Variants in EPHA6 observed in about 807,000 individuals in gnomAD.
EPHA6 encodes EPH receptor A6.
A neutral mutation model predicts 112.0 loss-of-function variants in EPHA6; 50 were observed. The ratio of observed to expected loss-of-function variants is 0.45; its 90% confidence interval spans 0.36 to 0.56. The LOEUF is 0.56. EPHA6 is among the 20% of genes least tolerant of loss of function. The pLI, the probability that EPHA6 is intolerant of heterozygous loss-of-function variation, is 0.00. For missense variants in EPHA6, 1,280 were observed against 1,417.4 expected (o/e 0.90, Z 1.56); for synonymous variants, 529 against 490.7 (o/e 1.08, Z -1.03).
intron 3 of EPHA6, among the ~76,000 whole-genome samples, chr3:97,084,530 A>G (rs2046833005): frequency 6.6e-6 from 1 of 152,038 alleles, no homozygotes; most frequent in Admixed American, 6.6e-5. Context: ...CTTTAACTTT[A>G]TCCAGACAGT....
At chr3:96,940,618 T>C (rs2040884291) in intron 2 of EPHA6, among the ~76,000 whole-genome samples, 4 of 152,346 alleles carry the variant, frequency 2.6e-5, no homozygotes, top group South Asian at 2.1e-4. Flanking sequence ...AATATTGTTA[T>C]GTGTGAATTT....
intron 2 of EPHA6, among the ~76,000 whole-genome samples, chr3:96,920,641 T>TTG (rs150752349): frequency 2.6e-5 from 4 of 151,646 alleles, no homozygotes; most frequent in Admixed American, 6.6e-5. Context: ...CCTGTAAGGA[T>TTG]TGTGTGTGTG....
At chr3:97,475,832 A>G (rs2091354767) in intron 8 of EPHA6, among the ~76,000 whole-genome samples, 1 of 152,176 alleles carries the variant, frequency 6.6e-6, no homozygotes, top group South Asian at 2.1e-4. Context: ...ATAGAAATAT[A>G]ATATTTTGTC....
At chr3:97,273,441 C>A (rs970943037) in intron 5 of EPHA6, among the ~76,000 whole-genome samples, 3 of 152,104 alleles carry the variant, frequency 2.0e-5, no homozygotes, top group Non-Finnish European at 2.9e-5. Context: ...TTTGGGGGCA[C>A]AGTCCAAGTT....
At chr3:97,275,240 T>G (rs1442529969) in intron 5 of EPHA6, among the ~76,000 whole-genome samples, 1 of 152,090 alleles carries the variant, frequency 6.6e-6, no homozygotes, top group East Asian at 1.9e-4. Flanking sequence ...TCAGACACGA[T>G]CAGCAGGGAG....
At chr3:97,495,936 C>G (rs1409698352) in intron 10 of EPHA6, among the ~76,000 whole-genome samples, 1 of 152,144 alleles carries the variant, frequency 6.6e-6, no homozygotes. Context: ...CTGTAAATAT[C>G]TTAAAGTGAA....
chr3:96,940,435 GT>G (rs2040870730), intron 2 of EPHA6, among the ~76,000 whole-genome samples: 1 of 151,674 alleles, frequency 6.6e-6, no homozygotes, highest in African/African-American at 2.4e-5. Flanking sequence ...GCCTTTTTTT[GT>G]TTTCCATTTG....
At chr3:97,013,438 A>T (rs975068375) in intron 3 of EPHA6, among the ~76,000 whole-genome samples, 1 of 152,100 alleles carries the variant, frequency 6.6e-6, no homozygotes, top group African/African-American at 2.4e-5. Context: ...TTCTGCTTTT[A>T]GCAATCCTAG....
intron 12 of EPHA6, among the ~76,000 whole-genome samples, chr3:97,610,289 G>A (rs1258038667): frequency 2.6e-5 from 4 of 151,444 alleles, no homozygotes; most frequent in East Asian, 1.9e-4. Flanking sequence ...GACTATGACC[G>A]ATGGTTTATA....
At chr3:97,391,538 A>G (rs1159611289) in intron 5 of EPHA6, among the ~76,000 whole-genome samples, 1 of 151,934 alleles carries the variant, frequency 6.6e-6, no homozygotes, top group Non-Finnish European at 1.5e-5. Flanking sequence ...TACAGTGTAT[A>G]TTAAGTTATT....
chr3:96,992,827 G>A (rs2043265774), intron 3 of EPHA6, among the ~76,000 whole-genome samples: 1 of 151,692 alleles, frequency 6.6e-6, no homozygotes, highest in Admixed American at 6.6e-5. Flanking sequence ...TTCTTTTTCT[G>A]TGATGAAATT....
chr3:97,158,748 T>C (rs1355242021), intron 3 of EPHA6, among the ~76,000 whole-genome samples: 2 of 152,150 alleles, frequency 1.3e-5, no homozygotes, highest in Non-Finnish European at 2.9e-5. Context: ...GCATTTTACA[T>C]AAGATAACAC....
At chr3:96,891,565 T>G (rs1337702976) in intron 2 of EPHA6, among the ~76,000 whole-genome samples, 2 of 151,762 alleles carry the variant, frequency 1.3e-5, no homozygotes, top group Non-Finnish European at 2.9e-5. Flanking sequence ...AAAAATTATC[T>G]GGGTATGGTG....
At chr3:97,349,293 A>T (rs1219155224) in intron 5 of EPHA6, among the ~76,000 whole-genome samples, 1 of 152,088 alleles carries the variant, frequency 6.6e-6, no homozygotes, top group Non-Finnish European at 1.5e-5. Context: ...CATTAATATA[A>T]AAGTAAAAAA....
chr3:97,709,750 T>TC (rs2033868494), intron 14 of EPHA6, among the ~76,000 whole-genome samples: 2 of 152,204 alleles, frequency 1.3e-5, no homozygotes, highest in South Asian at 2.1e-4. Context: ...GGGGGCAGTC[T>TC]CCCCCCATGC....
chr3:97,209,601 T>G (rs1198965905), intron 3 of EPHA6, among the ~76,000 whole-genome samples: 1 of 152,218 alleles, frequency 6.6e-6, no homozygotes, highest in Non-Finnish European at 1.5e-5. Context: ...TCTATAAAAA[T>G]GTATGCTTTC....
At chr3:96,865,772 A>G (rs899460381) in intron 1 of EPHA6, among the ~76,000 whole-genome samples, 1 of 151,684 alleles carries the variant, frequency 6.6e-6, no homozygotes, top group Non-Finnish European at 1.5e-5. Flanking sequence ...ATGATGTGGT[A>G]CCAAAGCATT....
intron 2 of EPHA6, among the ~76,000 whole-genome samples, chr3:96,962,228 T>A (rs1576179145): frequency 6.6e-6 from 1 of 152,062 alleles, no homozygotes. Flanking sequence ...AGAGCTTTGA[T>A]GGCATCTCCC....
chr3:97,401,747 T>C (rs1300500295), intron 5 of EPHA6, among the ~76,000 whole-genome samples: 2 of 151,872 alleles, frequency 1.3e-5, no homozygotes, highest in Admixed American at 6.6e-5. Flanking sequence ...TTCCTTTAGA[T>C]GCATCATTAG....
Sources: gnomAD v4.1 joint callset for allele counts (sites outside exome capture counted in the v4.1 genomes callset) on GRCh38, gnomAD v4.1.1 for gene constraint, MANE v1.5 for transcripts, NCBI Gene and HGNC (gene_info 2026-07-23, HGNC 2026-07-21) for gene names.